The following SRGAP2C variants were observed in gnomAD, a reference collection of about 807,000 sequenced individuals.
SRGAP2C encodes SLIT-ROBO Rho GTPase-activating protein 2C.
A neutral mutation model predicts 25.1 loss-of-function variants in SRGAP2C; 15 were observed. That is an observed-to-expected ratio of 0.60 (90% CI 0.40 to 0.92). The LOEUF is 0.92. Ranked by LOEUF, SRGAP2C falls within the 40% of genes least tolerant of loss-of-function variation. SRGAP2C has a pLI of 0.00. For synonymous variants in SRGAP2C, 44 were observed against 96.6 expected (o/e 0.46, Z 3.19); for missense variants, 144 against 264.4 (o/e 0.54, Z 3.16).
chr1:121,374,376 GT>G (rs1318182974), intron 6 of SRGAP2C, among the ~76,000 whole-genome samples, 190 bp downstream of exon 6: 1 of 151,782 alleles, frequency 6.6e-6, no homozygotes, highest in Non-Finnish European at 1.5e-5. Context: ...AACTGGGCAC[GT>G]GGGATCCAAG....
rs1330824633 is a variant in SRGAP2C at position 121,215,712 on chromosome 1, TC to T, written c.67+28201del. Among the ~76,000 whole-genome samples, 3 of 84,236 alleles carry T rather than the reference TC, an allele frequency of 3.6e-5. No individual in the cohort carries two copies. In the East Asian group the frequency reaches 1.1e-3, roughly 30 times the overall value. The allele number at this position is 84,236 out of a possible 152,430, so 55.3% of individuals were successfully genotyped here. Reference sequence around the variant, plus strand: ...ACTCAGATTTCTTCTCTGCAAAGGCTCCTGTTAAATCTTGGGCCCTATGGTA... The same window carrying T: ...ACTCAGATTTCTTCTCTGCAAAGGCTCTGTTAAATCTTGGGCCCTATGGTA... On this transcript the variant is annotated intron_variant, in intron 2 of 9. Transcript: ENST00000367123.
chr1:121,237,046 T>G, intron 2 of SRGAP2C, among the ~76,000 whole-genome samples: 1 of 56,374 alleles, frequency 1.8e-5, no homozygotes, highest in Middle Eastern at 4.7e-3. Flanking sequence ...AGGCAGATCC[T>G]TGACAGGAAT....
At chr1:121,362,347 C>A (rs1279902100) in intron 4 of SRGAP2C, among the ~76,000 whole-genome samples, 8 of 149,502 alleles carry the variant, frequency 5.4e-5, no homozygotes, top group Non-Finnish European at 1.2e-4. Context: ...CCAGCCCAAC[C>A]CTCAGCCAGA....
chr1:121,223,409 A>C, intron 2 of SRGAP2C, among the ~76,000 whole-genome samples: 1 of 72,530 alleles, frequency 1.4e-5, no homozygotes, highest in Non-Finnish European at 2.7e-5. Context: ...TATCTCCTTC[A>C]ACTCTGACCA....
chr1:121,192,375 G>A lies in SRGAP2C; in HGVS notation c.67+4862G>A, dbSNP rs1170074054. Among the ~76,000 whole-genome samples, 5 of 151,988 alleles carry A rather than the reference G, an allele frequency of 3.3e-5. No individual in the cohort carries two copies. The East Asian group carries it at 7.8e-4, about 24-fold the overall frequency. ...GAGGGCTCCTGTCCCTTGCTCAGGG[G>A]AAAAAACAACAACAAAAAAAGCTAC... is the stretch of plus-strand genomic sequence containing the variant. On this transcript the variant is annotated intron_variant, in intron 2 of 9. Coordinates refer to ENST00000367123, the MANE Select transcript of SRGAP2C (RefSeq NM_001329984.2).
intron 2 of SRGAP2C, among the ~76,000 whole-genome samples, chr1:121,272,594 G>A (rs1264611462): frequency 1.3e-5 from 2 of 151,636 alleles, no homozygotes; most frequent in East Asian, 3.9e-4. Flanking sequence ...GAAGGAATTC[G>A]GGGATTCTTT....
intron 2 of SRGAP2C, among the ~76,000 whole-genome samples, chr1:121,281,376 T>G (rs1218360466): frequency 2.0e-5 from 3 of 151,494 alleles, no homozygotes; most frequent in Non-Finnish European, 3.0e-5. Flanking sequence ...TTTCTCCTCC[T>G]TTTCCTTCTC....
chr1:121,201,546 T>A (rs775173940), intron 2 of SRGAP2C, among the ~76,000 whole-genome samples: 88 of 152,206 alleles, frequency 5.8e-4, no homozygotes, highest in Non-Finnish European at 7.2e-4. Context: ...ATCTCCTTAC[T>A]CTTATTAGAA....
At chr1:121,236,214 G>A (rs1285757382) in intron 2 of SRGAP2C, among the ~76,000 whole-genome samples, 7 of 151,986 alleles carry the variant, frequency 4.6e-5, no homozygotes, top group African/African-American at 7.3e-5. Context: ...CCTTTCCTGC[G>A]ATTACAGCCT....
chr1:121,212,351 C>T (rs782150609), intron 2 of SRGAP2C, among the ~76,000 whole-genome samples: 3 of 151,782 alleles, frequency 2.0e-5, no homozygotes, highest in Non-Finnish European at 4.4e-5. Flanking sequence ...AGGCTGGTCT[C>T]AAACACTTGA....
At chr1:121,370,372 A>T (rs1256946387) in intron 5 of SRGAP2C, among the ~76,000 whole-genome samples, 1 of 145,178 alleles carries the variant, frequency 6.9e-6, no homozygotes, top group African/African-American at 2.6e-5. Flanking sequence ...TAACAGAATA[A>T]ACCTCTCATC....
Position 121,271,575 on chromosome 1 carries a change from G to A in SRGAP2C, c.68-13228G>A, listed in dbSNP as rs587707639. On this transcript the variant is annotated intron_variant, in intron 2 of 9. Transcript: ENST00000367123. ...TTCTAGTTCTGCCTTTGGTGGCCAT[G>A]TGGTTTATTCCACAGCTTTTCAAAC... Among the ~76,000 whole-genome samples the A allele has an allele frequency of 8.4e-3, 1,262 of 150,570 alleles. 27 individuals are homozygous for A. Among genetic ancestry groups the A allele is most frequent in the African/African-American group, 0.026 (1,057 of 41,092 alleles).
At position 121,324,053 on chromosome 1, in the gene SRGAP2C, A is replaced by G. The variant is rs1426701711; in HGVS notation, c.261-425A>G. Reference sequence around the variant, plus strand: ...TTGTTCTAGTCCCTGGTGCCCTCTTACTTGTTGTGTTAGTCTTACTCGCTG... The same window carrying G: ...TTGTTCTAGTCCCTGGTGCCCTCTTGCTTGTTGTGTTAGTCTTACTCGCTG... On this transcript the variant is annotated intron_variant, in intron 3 of 9. Coordinates refer to ENST00000367123, the MANE Select transcript of SRGAP2C (RefSeq NM_001329984.2). Among the ~76,000 whole-genome samples, 497 of 152,216 alleles carry G rather than the reference A, an allele frequency of 3.3e-3. 6 individuals are homozygous for G. The highest frequency in any genetic ancestry group is 0.011 in the African/African-American group (456 of 41,526).
chr1:121,259,513 CT>C lies in SRGAP2C; in HGVS notation c.68-25283del, dbSNP rs1181867404. Among the ~76,000 whole-genome samples the C allele has an allele frequency of 2.8e-5, 4 of 140,844 alleles. No individual in the cohort carries two copies. In the East Asian group the frequency reaches 6.5e-4, roughly 23 times the overall value. 92.4% of individuals were successfully genotyped at this position (140,844 alleles called of 152,430 possible). A position where few individuals can be genotyped will look rare whatever the true frequency, so the allele number is the denominator to read the frequency against. ...AGAGAAGAAAATAGAGTAGAAGACC[CT>C]TTTTTTCTTTTAGCCACTACCAAGT... On this transcript the variant is annotated intron_variant, in intron 2 of 9. Transcript: ENST00000367123.
chr1:121,189,937 C>T (rs1337168817), intron 2 of SRGAP2C, among the ~76,000 whole-genome samples: 3 of 141,134 alleles, frequency 2.1e-5, no homozygotes, highest in Non-Finnish European at 4.6e-5. Context: ...GATGAGAAGC[C>T]CTTCCAAGGT....
rs1434778294 is a variant in SRGAP2C, at chr1:121,375,024, G to A, written c.831+70G>A. 1.0e-4 allele frequency: 75 copies of A among 720,712 alleles called. 1 individual carries two copies. The East Asian group carries it at 1.6e-3, about 15-fold the overall frequency. The allele number at this position is 720,712 out of a possible 1,614,324, so 44.6% of individuals were successfully genotyped here. On this transcript the variant is annotated intron_variant, in intron 7 of 9. Transcript: ENST00000367123. ...TTCAGAATACTCGTCAGACATTCCC[G>A]ATACTATTGTTCAGGAATCTGGTGC...
intron 2 of SRGAP2C, among the ~76,000 whole-genome samples, chr1:121,261,094 ATTTT>A (rs1211026484): frequency 9.4e-3 from 246 of 26,104 alleles, no homozygotes; most frequent in African/African-American, 0.036. Context: ...ACACCTGGCT[ATTTT>A]TTTTTTTTTT....
At chr1:121,236,083 A>AG (rs1165661005) in intron 2 of SRGAP2C, among the ~76,000 whole-genome samples, 1 of 137,726 alleles carries the variant, frequency 7.3e-6, no homozygotes. Context: ...AAAAAAAAAA[A>AG]GGTGTTCCAG....
At chr1:121,207,992 A>T (rs199625425) in intron 2 of SRGAP2C, among the ~76,000 whole-genome samples, 1,648 of 151,774 alleles carry the variant, frequency 0.011, 30 homozygotes, top group East Asian at 0.071. Context: ...CCTTGCCATC[A>T]ACTATGTGGC....
Sources: allele counts gnomAD v4.1 joint callset (sites outside exome capture counted in the v4.1 genomes callset), GRCh38; gene constraint gnomAD v4.1.1; transcripts MANE v1.5; gene names NCBI Gene and HGNC (gene_info 2026-07-23, HGNC 2026-07-21).